SPTBN5: variants seen among roughly 807,000 people sequenced by gnomAD.
SPTBN5 encodes spectrin beta chain, non-erythrocytic 5.
SPTBN5 carries 513 observed loss-of-function variants against 477.6 expected under a neutral mutation model. That is an observed-to-expected ratio of 1.07 (90% CI 1.00 to 1.16). The LOEUF is 1.16. Ranked by LOEUF, SPTBN5 falls within the 50% of genes most tolerant of loss-of-function variation. The probability of loss-of-function intolerance (pLI) is 0.00; values close to 1 mark genes in which losing one functional copy is unlikely to be tolerated. For synonymous variants in SPTBN5, 2,169 were observed against 2,011.7 expected (o/e 1.08, Z -2.09); for missense variants, 5,062 against 4,731.8 (o/e 1.07, Z -2.05).
intron 11 of SPTBN5, 26 bp from the exon 12 acceptor site, chr15:41,882,171 T>G: frequency 1.3e-6 from 2 of 1,537,874 alleles, no homozygotes; most frequent in African/African-American, 2.8e-5. Flanking sequence ...GGGGGTGGTG[T>G]GGGTGAAGGG....
chr15:41,889,582 T>C (rs1244788341), intron 4 of SPTBN5, among the ~76,000 whole-genome samples: 6 of 152,034 alleles, frequency 3.9e-5, no homozygotes, highest in Admixed American at 3.3e-4. Flanking sequence ...AAAGAGTTTA[T>C]AGTCTTTCTG....
chr15:41,886,463 T>A, intron 6 of SPTBN5, 97 bp from the exon 7 acceptor site: 1 of 1,363,030 alleles, frequency 7.3e-7, no homozygotes, highest in South Asian at 1.5e-5. Flanking sequence ...GGGCTGTAGC[T>A]ACTTCTCTGA....
intron 66 of SPTBN5, 190 bp from the exon 67 acceptor site, chr15:41,850,149 T>A (rs546829462): frequency 9.1e-5 from 54 of 590,378 alleles, no homozygotes; most frequent in Non-Finnish European, 1.3e-4. Flanking sequence ...CCATGCGTCC[T>A]GCCTCTTAGG....
chr15:41,860,609 G>A lies in SPTBN5; in HGVS notation c.7965C>T (p.Gly2655=), dbSNP rs1595456121. The A allele has an allele frequency of 6.7e-7, 1 of 1,502,810 alleles. No individual in the cohort carries two copies. Among genetic ancestry groups the A allele is most frequent in the East Asian group, 2.6e-5 (1 of 38,294 alleles). 93.1% of individuals were successfully genotyped at this position (1,502,810 alleles called of 1,614,324 possible). ...GGHPEAQSAL[G]RCQAMLLRKE... ...ACCTCAGAAGCATGGCCTGGCACCT[G>A]CCCAGGGCACTCTGGGCCTCGGGGT... Residue 2655 remains glycine (G), a synonymous_variant, in exon 47 of 68, where the codon GGC becomes GGT. Transcript: ENST00000320955.
chr15:41,886,366 T>C lies in SPTBN5; in HGVS notation c.889A>G (p.Ile297Val). 1 of 1,595,272 alleles carries C rather than the reference T, an allele frequency of 6.3e-7. No homozygotes were observed. The highest frequency in any genetic ancestry group is 8.5e-7 in the Non-Finnish European group (1 of 1,170,538). The change falls in exon 7 of 68, where the codon ATC becomes GTC. Residue 297 changes from isoleucine (I) to valine (V), a missense_variant and splice_region_variant. Coordinates refer to ENST00000320955, the MANE Select transcript of SPTBN5 (RefSeq NM_016642.4). ...TCTGTCTCCTGGAGCTGAAGCAGGA[T>C]CTGGTGGAGGGCATAGGAAGGGGTC... Reference protein sequence around the residue: ...GQTVQRRLTKILLQLQETELL... With the variant: ...GQTVQRRLTKVLLQLQETELL...
Position 41,855,316 on chromosome 15 carries a change from C to G in SPTBN5, c.9331G>C (p.Glu3111Gln). Residue 3111 changes from glutamate to glutamine, a missense_variant, in exon 55 of 68, where the codon GAG becomes CAG. Physicochemically the swap from Glu to Gln is conservative, Grantham distance 29. Transcript: ENST00000320955. Reference sequence around the variant, plus strand: ...GCGTCGAGGAGCAGGGTCTCTCGCTCCAGCTGGTGTAGCTGCAGCTGCTCC... The same window carrying G: ...GCGTCGAGGAGCAGGGTCTCTCGCTGCAGCTGGTGTAGCTGCAGCTGCTCC... ...LQEQLQLHQL[E>Q]RETLLLDAWL... 6.2e-6 allele frequency: 10 copies of G among 1,610,196 alleles called. No individual in the cohort carries two copies. The highest frequency in any genetic ancestry group is 8.5e-6 in the Non-Finnish European group (10 of 1,179,772).
intron 56 of SPTBN5, 137 bp from the exon 57 acceptor site, chr15:41,854,342 A>G: frequency 1.2e-6 from 1 of 840,696 alleles, no homozygotes; most frequent in South Asian, 1.8e-5. Context: ...AGGTACAGAA[A>G]CCATCCTCCA....
rs188515033 is a variant in SPTBN5, at chr15:41,871,424, G to A, written c.5398C>T (p.Arg1800Cys). ...ACCATGGGGCCAGCACTGTGCCCAC[G>A]CTCTAGCAGGCTCTCCGCCAGCAGC... is the stretch of plus-strand genomic sequence containing the variant. ...CRLLAESLLE[R>C]GHSAGPMVRQ... is the part of the protein sequence containing the mutation. Residue 1800 changes from arginine to cysteine, a missense_variant, in exon 29 of 68, where the codon CGT (arginine) becomes TGT (cysteine). By Grantham distance (180) the Arg-to-Cys change is radical. Transcript: ENST00000320955. 24 of 1,540,194 alleles carry A rather than the reference G, an allele frequency of 1.6e-5. No homozygotes were observed. The Admixed American group carries it at 3.2e-4, about 20-fold the overall frequency.
chr15:41,874,693 C>G (rs756445778), intron 23 of SPTBN5, 149 bp downstream of exon 23: 4 of 912,864 alleles, frequency 4.4e-6, no homozygotes, highest in Non-Finnish European at 6.6e-6. Flanking sequence ...GCTAAGGAAG[C>G]ATAATGGGGT....
chr15:41,882,237 G>GGCCCCC, intron 11 of SPTBN5, 32 bp downstream of exon 11: 1 of 357,962 alleles, frequency 2.8e-6, no homozygotes, highest in Non-Finnish European at 3.8e-6. Flanking sequence ...GCCGGGCCCC[G>GGCCCCC]CCCCCACCCC....
chr15:41,853,233 C>G (rs968393420), intron 59 of SPTBN5, 25 bp downstream of exon 59: 5 of 1,564,008 alleles, frequency 3.2e-6, no homozygotes, highest in Non-Finnish European at 4.4e-6. Context: ...CAGCCCAACC[C>G]CAGGCCCACC....
Position 41,848,313 on chromosome 15 carries a change from C to T in SPTBN5, c.*303G>A, listed in dbSNP as rs2065622425. 5 of 537,676 alleles carry T rather than the reference C, an allele frequency of 9.3e-6. No individual in the cohort carries two copies. The highest frequency in any genetic ancestry group is 3.2e-5 in the Admixed American group (1 of 31,638). 33.3% of individuals were successfully genotyped at this position (537,676 alleles called of 1,614,324 possible). Reference sequence around the variant, plus strand: ...CTACCTGTGCTCAGAGTCACCCCTTCCAAGCAAGGAGGAGGCCACATGGGC... The same window carrying T: ...CTACCTGTGCTCAGAGTCACCCCTTTCAAGCAAGGAGGAGGCCACATGGGC... On this transcript the variant is annotated 3_prime_UTR_variant, in exon 68 of 68. Transcript: ENST00000320955.
At chr15:41,855,502 A>AG in intron 54 of SPTBN5, 47 bp downstream of exon 54, 1 of 1,599,616 alleles carries the variant, frequency 6.3e-7, no homozygotes, top group Non-Finnish European at 8.5e-7. Flanking sequence ...CCATCTCTGT[A>AG]GGGGGCTTCT....
chr15:41,884,625 A>T (rs2140964264), intron 7 of SPTBN5, among the ~76,000 whole-genome samples: 1 of 152,300 alleles, frequency 6.6e-6, no homozygotes, highest in Middle Eastern at 3.4e-3. Flanking sequence ...CCAGGTGAGC[A>T]TCGCAAAACA....
chr15:41,872,283 G>C lies in SPTBN5; in HGVS notation c.5165+19C>G. 3 of 1,605,542 alleles carry C rather than the reference G, an allele frequency of 1.9e-6. No homozygotes were observed. Among genetic ancestry groups the C allele is most frequent in the Non-Finnish European group, 2.6e-6 (3 of 1,176,176 alleles). On this transcript the variant is annotated intron_variant, in intron 27 of 67. Transcript: ENST00000320955. Reference sequence around the variant, plus strand: ...AGGCCTCCTGTACCCACTGATGAGAGGGGTTATGGTGTCCTCACCGTGTGG... The same window carrying C: ...AGGCCTCCTGTACCCACTGATGAGACGGGTTATGGTGTCCTCACCGTGTGG...
chr15:41,890,632 C>A (rs1222412340), intron 3 of SPTBN5, among the ~76,000 whole-genome samples: 1 of 152,236 alleles, frequency 6.6e-6, no homozygotes, highest in East Asian at 1.9e-4. Context: ...TGGCTGGGTC[C>A]CTGGGCTCAC....
At position 41,857,346 on chromosome 15, in the gene SPTBN5, T is replaced by C; in HGVS notation, c.8513A>G (p.Lys2838Arg). ...CAGTGCCTCAGCCTGCCTGGCCTTC[T>C]TGTCCACTGCTGCCTCCAGCTCCCT... Reference protein sequence around the residue: ...TQRELEAAVDKKARQAEALLG... With the variant: ...TQRELEAAVDRKARQAEALLG... Residue 2838 changes from lysine to arginine, a missense_variant, in exon 51 of 68, where the codon AAG becomes AGG. Coordinates refer to ENST00000320955, the MANE Select transcript of SPTBN5 (RefSeq NM_016642.4). 4 of 1,572,190 alleles carry C rather than the reference T, an allele frequency of 2.5e-6. No homozygotes were observed. Among genetic ancestry groups the C allele is most frequent in the Non-Finnish European group, 2.6e-6 (3 of 1,159,062 alleles).
chr15:41,871,928 A>T lies in SPTBN5; in HGVS notation c.5166-11T>A, dbSNP rs766635797. 3 of 1,545,422 alleles carry T rather than the reference A, an allele frequency of 1.9e-6. No homozygotes were observed. The Admixed American group carries it at 5.8e-5, about 30-fold the overall frequency. ...TCCAGTTCCCGGTCCCTGTGGTAAC[A>T]GTCCGTGGTTCCCCAGAAGTGAGTT... On this transcript the variant is annotated splice_polypyrimidine_tract_variant and intron_variant, in intron 27 of 67. Coordinates refer to ENST00000320955, the MANE Select transcript of SPTBN5 (RefSeq NM_016642.4).
rs1434551461 is a variant in SPTBN5, at chr15:41,883,377, C to T, written c.1630G>A (p.Ala544Thr). 6.2e-7 allele frequency: 1 copy of T among 1,613,636 alleles called. No individual in the cohort carries two copies. The highest frequency in any genetic ancestry group is 8.5e-7 in the Non-Finnish European group (1 of 1,179,840). ...AGCTCCTCCAGCTGGTGGGAGGCAG[C>T]CTCCACCTCCTGCAGCAGGCTCAGC... The part of the protein sequence containing the change: ...AVLSLLQEVE[A>T]ASHQLEELQE... The change falls in exon 8 of 68, where the codon GCT (alanine) becomes ACT (threonine). Residue 544 changes from alanine (A) to threonine (T), a missense_variant. By Grantham distance (58) the Ala-to-Thr change is moderately conservative. Transcript: ENST00000320955.
Sources: gnomAD v4.1 joint callset for allele counts (sites outside exome capture counted in the v4.1 genomes callset) on GRCh38, gnomAD v4.1.1 for gene constraint, MANE v1.5 for transcripts, NCBI Gene and HGNC (gene_info 2026-07-23, HGNC 2026-07-21) for gene names.